Variants in CDH17 observed in about 807,000 individuals in gnomAD.
The protein encoded by CDH17 is cadherin 17.
CDH17 carries 67 observed loss-of-function variants against 86.3 expected under a neutral mutation model. That is an observed-to-expected ratio of 0.78 (90% CI 0.64 to 0.95). The LOEUF is 0.95. CDH17 is among the 40% of genes least tolerant of loss of function. The pLI is 0.00. For synonymous variants in CDH17, 367 were observed against 366.4 expected (o/e 1.00, Z -0.02); for missense variants, 993 against 1,017.6 (o/e 0.98, Z 0.33).
At chr8:94,135,305 G>C (rs552835303) in intron 15 of CDH17, among the ~76,000 whole-genome samples, 68 of 152,190 alleles carry the variant, frequency 4.5e-4, no homozygotes, top group African/African-American at 1.6e-3. Context: ...AGTCTTTGTA[G>C]GTCTCTAAGG....
intron 15 of CDH17, among the ~76,000 whole-genome samples, chr8:94,136,512 A>G (rs1291960165): frequency 6.6e-6 from 1 of 152,150 alleles, no homozygotes; most frequent in Non-Finnish European, 1.5e-5. Flanking sequence ...GGTCTTCTCT[A>G]CACTGTTTAT....
At chr8:94,134,101 C>G (rs200697620) in intron 15 of CDH17, among the ~76,000 whole-genome samples, 1 of 152,096 alleles carries the variant, frequency 6.6e-6, no homozygotes, top group African/African-American at 2.4e-5. Context: ...ATCAAGGATA[C>G]TGGTCTAAAA....
rs1033430808 is a variant in CDH17, at chr8:94,173,707, G to T, written c.783+90C>A. On this transcript the variant is annotated intron_variant, in intron 7 of 17. Transcript: ENST00000027335. ...ATGCTATGAAAAAGGTATCTAATAAGTGTATCAGTGAAGACTGTGAGGGTG... is the reference window on the plus strand; with the variant it reads ...ATGCTATGAAAAAGGTATCTAATAATTGTATCAGTGAAGACTGTGAGGGTG... 28 of 922,526 alleles carry T rather than the reference G, an allele frequency of 3.0e-5. No individual in the cohort carries two copies. In the African/African-American group the frequency reaches 3.1e-4, roughly 10 times the overall value. The allele number at this position is 922,526 out of a possible 1,614,324, so 57.1% of individuals were successfully genotyped here.
intron 14 of CDH17, 102 bp downstream of exon 14, chr8:94,148,642 T>G: frequency 1.1e-6 from 1 of 938,950 alleles, no homozygotes; most frequent in Non-Finnish European, 1.5e-6. Flanking sequence ...TATTCTGGTG[T>G]TTTGGCCCTG....
upstream of CDH17, among the ~76,000 whole-genome samples, chr8:94,212,155 T>C (rs971596178): frequency 2.0e-5 from 3 of 152,196 alleles, no homozygotes; most frequent in African/African-American, 7.2e-5. Flanking sequence ...TCCATGTAGC[T>C]CTTACTTTTT....
intron 12 of CDH17, among the ~76,000 whole-genome samples, chr8:94,159,206 A>C (rs1349830680): frequency 6.6e-6 from 1 of 152,020 alleles, no homozygotes; most frequent in Admixed American, 6.6e-5. Context: ...AGGGGACAGG[A>C]GTAGATTGAG....
chr8:94,193,729 G>T (rs896422633), intron 2 of CDH17, among the ~76,000 whole-genome samples: 1 of 152,186 alleles, frequency 6.6e-6, no homozygotes, highest in Non-Finnish European at 1.5e-5. Flanking sequence ...GAGCCTGCAG[G>T]CTGTGAGGAC....
chr8:94,161,470 G>T (rs1813049490), intron 11 of CDH17, among the ~76,000 whole-genome samples: 2 of 152,118 alleles, frequency 1.3e-5, no homozygotes. Context: ...CCCTCCTTAG[G>T]GAAACAATGA....
chr8:94,192,937 C>G (rs1813714134), intron 2 of CDH17, among the ~76,000 whole-genome samples: 3 of 152,168 alleles, frequency 2.0e-5, no homozygotes, highest in Admixed American at 2.0e-4. Context: ...GAATAAAGCC[C>G]TATGCAGAAG....
chr8:94,179,166 G>C (rs2130649010), intron 3 of CDH17, among the ~76,000 whole-genome samples: 1 of 152,152 alleles, frequency 6.6e-6, no homozygotes, highest in Middle Eastern at 3.4e-3. Flanking sequence ...CCATGGAGAG[G>C]GTGAGAAGCG....
rs373933438 is a variant in CDH17 at position 94,170,528 on chromosome 8, G to A, written c.935C>T (p.Ala312Val). 1 of 1,613,452 alleles carries A rather than the reference G, an allele frequency of 6.2e-7. No homozygotes were observed. The highest frequency in any genetic ancestry group is 1.3e-5 in the African/African-American group (1 of 74,864). Residue 312 changes from alanine to valine, a missense_variant, in exon 9 of 18, where the codon GCA (alanine) becomes GTA (valine). Physicochemically the swap from Ala to Val is moderately conservative, Grantham distance 64. Transcript: ENST00000027335. ...EKDAYVFYAV[A>V]KDEYGKPLSY... ...AAGTGGTTTTCCGTACTCATCCTTT[G>A]CAACTGCATAAAAAACATACTACAA...
Position 94,141,102 on chromosome 8 carries a change from A to T in CDH17, c.2167+4826T>A, listed in dbSNP as rs1812628500. Among the ~76,000 whole-genome samples the T allele has an allele frequency of 1.3e-5, 2 of 152,162 alleles. 1 individual carries two copies. The highest frequency in any genetic ancestry group is 1.3e-4 in the Admixed American group (2 of 15,272). On this transcript the variant is annotated intron_variant, in intron 15 of 17. Coordinates refer to ENST00000027335, the MANE Select transcript of CDH17 (RefSeq NM_004063.4). ...TTAGCAAATCCAACAATACATAAAC[A>T]TGGTAATATTTCATCACTAAGTAGG...
At chr8:94,171,587 G>A (rs1431330453) in intron 7 of CDH17, among the ~76,000 whole-genome samples, 1 of 152,290 alleles carries the variant, frequency 6.6e-6, no homozygotes, top group Middle Eastern at 3.4e-3. Flanking sequence ...CAGTCTACTT[G>A]CTATATAGAC....
chr8:94,145,153 A>G (rs943812248), intron 15 of CDH17, among the ~76,000 whole-genome samples: 1 of 152,236 alleles, frequency 6.6e-6, no homozygotes, highest in Non-Finnish European at 1.5e-5. Flanking sequence ...ACTCCTCAGT[A>G]TTTAACCAAG....
rs1812337521 is a variant in CDH17 at position 94,128,177 on chromosome 8, A to G, written c.*63T>C. On this transcript the variant is annotated 3_prime_UTR_variant, in exon 18 of 18. Transcript: ENST00000027335. ...TAATGCACGTTAGATGAAAAGTAAT[A>G]GGATGAGATGGTTGTTGCTGAAATA... The G allele has an allele frequency of 1.0e-6, 1 of 981,572 alleles. No individual in the cohort carries two copies. Among genetic ancestry groups the G allele is most frequent in the Non-Finnish European group, 1.6e-6 (1 of 611,902 alleles). 60.8% of individuals were successfully genotyped at this position (981,572 alleles called of 1,614,324 possible). A position where few individuals can be genotyped will look rare whatever the true frequency, so the allele number is the denominator to read the frequency against.
At chr8:94,153,899 T>C (rs1225308976) in intron 12 of CDH17, among the ~76,000 whole-genome samples, 2 of 152,016 alleles carry the variant, frequency 1.3e-5, no homozygotes, top group African/African-American at 2.4e-5. Flanking sequence ...CATGAGGAGA[T>C]TGGGGAGGTG....
At chr8:94,134,544 T>C (rs1222442640) in intron 15 of CDH17, among the ~76,000 whole-genome samples, 2 of 152,200 alleles carry the variant, frequency 1.3e-5, no homozygotes, top group Non-Finnish European at 2.9e-5. Context: ...GATTCTTCTC[T>C]CTTTTCTTCT....
chr8:94,177,734 C>G lies in CDH17; in HGVS notation c.151-13G>C. 1 of 1,603,776 alleles carries G rather than the reference C, an allele frequency of 6.2e-7. No individual in the cohort carries two copies. Among genetic ancestry groups the G allele is most frequent in the Non-Finnish European group, 8.5e-7 (1 of 1,176,650 alleles). ...GATTGGCCTTAAACTGGGGAAAAAG[C>G]AAAAAACAGATTAAGTTGTAAGGGA... is the stretch of plus-strand genomic sequence containing the variant. On this transcript the variant is annotated splice_polypyrimidine_tract_variant and intron_variant, in intron 3 of 17. Transcript: ENST00000027335.
intron 10 of CDH17, among the ~76,000 whole-genome samples, chr8:94,162,372 T>C (rs1462721276): frequency 4.6e-5 from 7 of 152,186 alleles, no homozygotes; most frequent in Admixed American, 4.6e-4. Context: ...AAGACAGATC[T>C]AAGAGAGATT....
Sources: allele counts gnomAD v4.1 joint callset (sites outside exome capture counted in the v4.1 genomes callset), GRCh38; gene constraint gnomAD v4.1.1; transcripts MANE v1.5; gene names NCBI Gene and HGNC (gene_info 2026-07-23, HGNC 2026-07-21).